The following FREM2 variants were observed in gnomAD, a reference collection of about 807,000 sequenced individuals.
FREM2 encodes the protein FRAS1 related extracellular matrix 2.
FREM2 carries 119 observed loss-of-function variants against 219.9 expected under a neutral mutation model. The ratio of observed to expected loss-of-function variants is 0.54; its 90% CI spans 0.47 to 0.63. The LOEUF is 0.63. Among genes scored for constraint, FREM2 ranks in the 30% least tolerant of loss-of-function variants. The pLI is 0.00. For synonymous variants in FREM2, 1,562 were observed against 1,522.8 expected (o/e 1.03, Z -0.60); for missense variants, 4,030 against 3,993.6 (o/e 1.01, Z -0.25).
intron 1 of FREM2, among the ~76,000 whole-genome samples, chr13:38,697,092 G>A (rs973711911): frequency 6.6e-6 from 1 of 152,128 alleles, no homozygotes; most frequent in African/African-American, 2.4e-5. Flanking sequence ...GAGCCACCGT[G>A]TCCAGCCCGT....
intron 16 of FREM2, among the ~76,000 whole-genome samples, chr13:38,867,025 T>C (rs1324199463): frequency 6.6e-6 from 1 of 152,218 alleles, no homozygotes; most frequent in Non-Finnish European, 1.5e-5. Context: ...TCCAGTTCCT[T>C]TATCAAATTA....
intron 17 of FREM2, among the ~76,000 whole-genome samples, chr13:38,873,396 T>TTC (rs1282919401): frequency 6.6e-6 from 1 of 152,230 alleles, no homozygotes; most frequent in Non-Finnish European, 1.5e-5. Context: ...TAACTAGCTG[T>TTC]GAGATCTCAA....
intron 15 of FREM2, among the ~76,000 whole-genome samples, chr13:38,863,102 T>C (rs1042841093): frequency 6.6e-6 from 1 of 152,110 alleles, no homozygotes; most frequent in African/African-American, 2.4e-5. Context: ...CAGGCTGGAG[T>C]GCAGTAGCGC....
chr13:38,772,718 C>T (rs1416605493), intron 4 of FREM2, among the ~76,000 whole-genome samples: 45 of 144,058 alleles, frequency 3.1e-4, no homozygotes, highest in Admixed American at 1.1e-3. Flanking sequence ...TTTTTTTAGA[C>T]GGAGTTTCGC....
Position 38,703,339 on chromosome 13 carries a change from A to T in FREM2, c.5263+5552A>T, listed in dbSNP as rs548322945. ...ATTCTTGGCAATAAAATTAATTGCTAGTGACATGAGAACCAGGGGGAAAGA... is the reference window on the plus strand; with the variant it reads ...ATTCTTGGCAATAAAATTAATTGCTTGTGACATGAGAACCAGGGGGAAAGA... On this transcript the variant is annotated intron_variant, in intron 2 of 23. Transcript: ENST00000280481. Among the ~76,000 whole-genome samples, 7 of 152,310 alleles carry T rather than the reference A, an allele frequency of 4.6e-5. No individual in the cohort carries two copies. The East Asian group carries it at 1.3e-3, about 29-fold the overall frequency.
Position 38,867,535 on chromosome 13 carries a change from A to G in FREM2, c.7983+2929A>G, listed in dbSNP as rs1878015439. On this transcript the variant is annotated intron_variant, in intron 16 of 23. Transcript: ENST00000280481. ...GGTTCTCCCCAGAGACAGAACCAAT[A>G]GAATAGATAGATGAGAAGGGATTCC... Among the ~76,000 whole-genome samples, 5 of 152,374 alleles carry G rather than the reference A, an allele frequency of 3.3e-5. No individual in the cohort carries two copies. In the South Asian group the frequency reaches 1.0e-3, roughly 32 times the overall value.
At chr13:38,820,277 T>C (rs1478101656) in intron 6 of FREM2, among the ~76,000 whole-genome samples, 2 of 152,124 alleles carry the variant, frequency 1.3e-5, no homozygotes, top group Non-Finnish European at 2.9e-5. Flanking sequence ...TGGATAAATA[T>C]TGTCTTGAGT....
chr13:38,788,019 G>A lies in FREM2; in HGVS notation c.6019+3211G>A, dbSNP rs555164632. ...ATCATATCTAAAGAAGAAAGAAAAG[G>A]ACAGTACTGAAAAGAGGAGATGAGA... On this transcript the variant is annotated intron_variant, in intron 6 of 23. Coordinates refer to ENST00000280481, the MANE Select transcript of FREM2 (RefSeq NM_207361.6). 9.2e-5 allele frequency among the ~76,000 whole-genome samples: 14 copies of A among 152,050 alleles called. No individual in the cohort carries two copies. The East Asian group carries it at 2.5e-3, about 27-fold the overall frequency.
chr13:38,826,294 A>G (rs147494506), intron 6 of FREM2, among the ~76,000 whole-genome samples: 169 of 152,244 alleles, frequency 1.1e-3, no homozygotes, highest in African/African-American at 3.8e-3. Flanking sequence ...CAGACCAGAA[A>G]TACAAGAACC....
intron 2 of FREM2, among the ~76,000 whole-genome samples, chr13:38,729,917 T>A (rs998200924): frequency 1.1e-4 from 16 of 152,198 alleles, no homozygotes; most frequent in African/African-American, 3.9e-4. Flanking sequence ...TCCATATTTT[T>A]AAAAAATAAG....
At position 38,688,520 on chromosome 13, in the gene FREM2, G is replaced by A; in HGVS notation, c.1176G>A (p.Lys392=). 6.2e-7 allele frequency: 1 copy of A among 1,614,004 alleles called. No individual in the cohort carries two copies. Among genetic ancestry groups the A allele is most frequent in the Non-Finnish European group, 8.5e-7 (1 of 1,179,958 alleles). ...SFTQRDLRLL[K]IAYQPPSEDS... is the part of the protein sequence containing the mutation. ...CTCAGAGGGATCTGCGGCTCCTGAAGATTGCCTACCAGCCCCCTTCTGAAG... is the reference window on the plus strand; with the variant it reads ...CTCAGAGGGATCTGCGGCTCCTGAAAATTGCCTACCAGCCCCCTTCTGAAG... Residue 392 remains lysine, a synonymous_variant, in exon 1 of 24, where the codon AAG becomes AAA. Coordinates refer to ENST00000280481, the MANE Select transcript of FREM2 (RefSeq NM_207361.6).
At chr13:38,707,088 T>C (rs984860104) in intron 2 of FREM2, among the ~76,000 whole-genome samples, 37 of 152,352 alleles carry the variant, frequency 2.4e-4, no homozygotes, top group African/African-American at 8.9e-4. Flanking sequence ...ACTAAGATTA[T>C]TAATTTATTA....
At chr13:38,756,786 CCGCCT>C (rs1344954701) in intron 2 of FREM2, among the ~76,000 whole-genome samples, 1 of 151,708 alleles carries the variant, frequency 6.6e-6, no homozygotes, top group Non-Finnish European at 1.5e-5. Context: ...GGTGATCTGC[CCGCCT>C]CAGCCTTCCA....
chr13:38,786,488 AATTTT>A (rs1566142128), intron 6 of FREM2, among the ~76,000 whole-genome samples: 1 of 152,306 alleles, frequency 6.6e-6, no homozygotes, highest in East Asian at 1.9e-4. Context: ...AAAGTACAGA[AATTTT>A]ATTTTAACTT....
Position 38,691,761 on chromosome 13 carries a change from G to A in FREM2, c.4417G>A (p.Asp1473Asn), listed in dbSNP as rs1349614279. The A allele has an allele frequency of 1.2e-6, 2 of 1,614,120 alleles. No homozygotes were observed. Among genetic ancestry groups the A allele is most frequent in the South Asian group, 1.1e-5 (1 of 91,080 alleles). Residue 1473 changes from aspartate to asparagine, a missense_variant, in exon 1 of 24, where the codon GAT becomes AAT. Coordinates refer to ENST00000280481, the MANE Select transcript of FREM2 (RefSeq NM_207361.6). ...CATGCGAGGTCACCTGGAATGCACGGATCAGCCTGGTGTGTCCATCACGTC... is the reference window on the plus strand; with the variant it reads ...CATGCGAGGTCACCTGGAATGCACGAATCAGCCTGGTGTGTCCATCACGTC... ...APMRGHLECT[D>N]QPGVSITSFT... is the part of the protein sequence containing the mutation.
At chr13:38,871,248 C>T (rs1878146039) in intron 16 of FREM2, among the ~76,000 whole-genome samples, 1 of 152,166 alleles carries the variant, frequency 6.6e-6, no homozygotes, top group Non-Finnish European at 1.5e-5. Flanking sequence ...ATTTTTGTGA[C>T]ATGAGCAGTT....
intron 6 of FREM2, among the ~76,000 whole-genome samples, chr13:38,787,807 G>A (rs1242607882): frequency 2.0e-5 from 3 of 149,712 alleles, no homozygotes; most frequent in Non-Finnish European, 3.0e-5. Flanking sequence ...GTTATTCAAC[G>A]AATATTGCAA....
chr13:38,719,980 A>C (rs544628807), intron 2 of FREM2, among the ~76,000 whole-genome samples: 165 of 152,210 alleles, frequency 1.1e-3, no homozygotes, highest in Non-Finnish European at 1.9e-3. Context: ...CCAAAGTAAA[A>C]TTCAGACATT....
intron 6 of FREM2, among the ~76,000 whole-genome samples, chr13:38,809,509 C>T (rs61634872): frequency 0.011 from 1,655 of 151,758 alleles, 32 homozygotes; most frequent in African/African-American, 0.037. Context: ...TTGTATAAGG[C>T]GAGAGATAGG....
Sources: allele counts gnomAD v4.1 joint callset (sites outside exome capture counted in the v4.1 genomes callset), GRCh38; gene constraint gnomAD v4.1.1; transcripts MANE v1.5; gene names NCBI Gene and HGNC (gene_info 2026-07-23, HGNC 2026-07-21).